Variants in SPATA16 observed in about 807,000 individuals in gnomAD.
SPATA16 encodes the protein spermatogenesis-associated protein 16.
SPATA16 carries 36 observed loss-of-function variants against 63.3 expected under a neutral mutation model. The observed-to-expected ratio is 0.57, with a 90% CI of 0.44 to 0.75. The LOEUF is 0.75. Ranked by LOEUF, SPATA16 falls within the 30% of genes least tolerant of loss-of-function variation. The probability of loss-of-function intolerance (pLI) is 0.00; values close to 1 mark genes in which losing one functional copy is unlikely to be tolerated. For missense variants in SPATA16, 646 were observed against 679.3 expected, an observed-to-expected ratio of 0.95 and a Z score of 0.54; for synonymous variants, 203 against 216.7, an observed-to-expected ratio of 0.94 and a Z score of 0.56.
intron 5 of SPATA16, among the ~76,000 whole-genome samples, chr3:172,973,089 A>C (rs1734083088): frequency 6.6e-6 from 1 of 152,232 alleles, no homozygotes; most frequent in South Asian, 2.1e-4. Context: ...CATTAAAATG[A>C]AATGTTGAAA....
intron 6 of SPATA16, among the ~76,000 whole-genome samples, chr3:172,935,795 A>T (rs1732976661): frequency 6.6e-6 from 1 of 152,104 alleles, no homozygotes; most frequent in Admixed American, 6.6e-5. Context: ...TCCTCTGGGA[A>T]TTTTCACTAT....
At chr3:173,091,366 T>C (rs1737217312) in intron 2 of SPATA16, among the ~76,000 whole-genome samples, 1 of 152,240 alleles carries the variant, frequency 6.6e-6, no homozygotes, top group East Asian at 1.9e-4. Context: ...CAGTCATTAC[T>C]TGCTCTTCCA....
chr3:172,961,992 C>T (rs1301304591), intron 5 of SPATA16, among the ~76,000 whole-genome samples: 1 of 152,054 alleles, frequency 6.6e-6, no homozygotes, highest in African/African-American at 2.4e-5. Flanking sequence ...GATCCTCACG[C>T]CTGTAATCCC....
At chr3:172,962,253 CAAAAAAA>C (rs71162320) in intron 5 of SPATA16, among the ~76,000 whole-genome samples, 1 of 47,710 alleles carries the variant, frequency 2.1e-5, no homozygotes, top group African/African-American at 8.8e-5. Flanking sequence ...GACTCTGTCT[CAAAAAAA>C]AAAAAAAAAA....
At chr3:172,941,992 A>G (rs1733160101) in intron 6 of SPATA16, among the ~76,000 whole-genome samples, 2 of 152,194 alleles carry the variant, frequency 1.3e-5, no homozygotes, top group East Asian at 1.9e-4. Flanking sequence ...TAAATAAAGA[A>G]AAAATGAATA....
chr3:173,010,901 C>T (rs528377750), intron 4 of SPATA16, among the ~76,000 whole-genome samples: 64 of 152,220 alleles, frequency 4.2e-4, no homozygotes, highest in African/African-American at 1.4e-3. Context: ...CCCAACTCCC[C>T]TAGACAGACC....
At chr3:173,110,800 A>T (rs576049208) in intron 2 of SPATA16, among the ~76,000 whole-genome samples, 1 of 152,296 alleles carries the variant, frequency 6.6e-6, no homozygotes, top group Admixed American at 6.5e-5. Context: ...ACTTACGACT[A>T]CGTGAGCTAC....
At position 172,956,644 on chromosome 3, in the gene SPATA16, A is replaced by G. The variant is rs1330426075; in HGVS notation, c.1081+33T>C. The G allele has an allele frequency of 2.5e-6, 4 of 1,603,658 alleles. No individual in the cohort carries two copies. In the African/African-American group the frequency reaches 4.0e-5, roughly 16 times the overall value. On this transcript the variant is annotated intron_variant, in intron 6 of 10. Coordinates refer to ENST00000351008, the MANE Select transcript of SPATA16 (RefSeq NM_031955.6). Reference sequence around the variant, plus strand: ...GTATTTGTTTTATTTGAAACAAAATATCAGCTGATAACTTGAAGATATTGA... The same window carrying G: ...GTATTTGTTTTATTTGAAACAAAATGTCAGCTGATAACTTGAAGATATTGA...
intron 8 of SPATA16, among the ~76,000 whole-genome samples, chr3:172,919,456 C>T (rs1732571096): frequency 6.6e-6 from 1 of 152,086 alleles, no homozygotes; most frequent in Non-Finnish European, 1.5e-5. Flanking sequence ...GTATTGTGTA[C>T]CTAGTAGACT....
At chr3:173,070,209 A>G (rs1736634865) in intron 2 of SPATA16, among the ~76,000 whole-genome samples, 1 of 152,088 alleles carries the variant, frequency 6.6e-6, no homozygotes, top group Admixed American at 6.5e-5. Flanking sequence ...AGCCTGTCCA[A>G]TATGGTGAAA....
intron 2 of SPATA16, among the ~76,000 whole-genome samples, chr3:173,054,024 A>T (rs1736159231): frequency 6.6e-6 from 1 of 152,112 alleles, no homozygotes; most frequent in Admixed American, 6.5e-5. Flanking sequence ...CATAAATTTT[A>T]CAACATAATT....
At chr3:172,964,396 A>C (rs1733860313) in intron 5 of SPATA16, among the ~76,000 whole-genome samples, 1 of 152,222 alleles carries the variant, frequency 6.6e-6, no homozygotes, top group African/African-American at 2.4e-5. Context: ...AGCTGAAAGA[A>C]ACTCAGAGTT....
At chr3:173,134,430 A>C (rs1045787514) in intron 1 of SPATA16, among the ~76,000 whole-genome samples, 6 of 152,010 alleles carry the variant, frequency 3.9e-5, no homozygotes, top group Admixed American at 3.9e-4. Flanking sequence ...AGGAGGTTGC[A>C]ATGAGCTAAG....
At chr3:172,984,681 T>G (rs1332473318) in intron 4 of SPATA16, among the ~76,000 whole-genome samples, 1 of 152,210 alleles carries the variant, frequency 6.6e-6, no homozygotes, top group African/African-American at 2.4e-5. Flanking sequence ...AATTCCAGAT[T>G]CTGATGATTA....
chr3:173,014,166 A>G (rs144959767), intron 4 of SPATA16, among the ~76,000 whole-genome samples: 2 of 152,348 alleles, frequency 1.3e-5, no homozygotes, highest in Admixed American at 6.5e-5. Context: ...ACAATAGTAA[A>G]GACATGGACT....
At chr3:173,002,855 C>G (rs1048483411) in intron 4 of SPATA16, among the ~76,000 whole-genome samples, 1 of 152,170 alleles carries the variant, frequency 6.6e-6, no homozygotes. Flanking sequence ...TGGTTATCCA[C>G]TGAGGTGAAA....
intron 2 of SPATA16, among the ~76,000 whole-genome samples, chr3:173,088,742 G>A (rs1369370535): frequency 6.6e-6 from 1 of 152,158 alleles, no homozygotes; most frequent in African/African-American, 2.4e-5. Context: ...ATATTTCATG[G>A]ATGTCCTAGG....
chr3:173,050,142 C>T (rs955698166), intron 2 of SPATA16, among the ~76,000 whole-genome samples: 22 of 152,164 alleles, frequency 1.4e-4, no homozygotes, highest in Admixed American at 7.2e-4. Flanking sequence ...AGTCTTGAGA[C>T]GGTTTTGCCA....
At chr3:173,045,141 C>T (rs1475632372) in intron 3 of SPATA16, among the ~76,000 whole-genome samples, 1 of 152,138 alleles carries the variant, frequency 6.6e-6, no homozygotes, top group African/African-American at 2.4e-5. Context: ...CCCATGCAGA[C>T]TTCTGTCTCT....
Sources: gnomAD v4.1 joint callset for allele counts (sites outside exome capture counted in the v4.1 genomes callset) on GRCh38, gnomAD v4.1.1 for gene constraint, MANE v1.5 for transcripts, NCBI Gene and HGNC (gene_info 2026-07-23, HGNC 2026-07-21) for gene names.